Variants in CCDC91 observed in about 807,000 individuals in gnomAD.
CCDC91 encodes the protein coiled-coil domain containing 91.
A neutral mutation model predicts 63.2 loss-of-function variants in CCDC91; 48 were observed. The ratio of observed to expected loss-of-function variants is 0.76; its 90% CI spans 0.60 to 0.97. The LOEUF (loss-of-function observed/expected upper bound fraction) is 0.97, where lower values mean the gene tolerates loss of function less well. Ranked by LOEUF, CCDC91 falls within the 50% of genes least tolerant of loss-of-function variation. CCDC91 has a pLI of 0.00. For synonymous variants in CCDC91, 167 were observed against 165.8 expected, an observed-to-expected ratio of 1.01 and a Z score of -0.06; for missense variants, 500 against 494.6, an observed-to-expected ratio of 1.01 and a Z score of -0.10.
At chr12:28,339,787 A>G (rs1461467579) in intron 6 of CCDC91, among the ~76,000 whole-genome samples, 1 of 152,072 alleles carries the variant, frequency 6.6e-6, no homozygotes, top group Non-Finnish European at 1.5e-5. Flanking sequence ...GCAGTGCCCA[A>G]CCACGGACTT....
chr12:28,338,340 T>C (rs1942156843), intron 6 of CCDC91, among the ~76,000 whole-genome samples: 1 of 151,794 alleles, frequency 6.6e-6, no homozygotes, highest in African/African-American at 2.4e-5. Context: ...TTATTATACT[T>C]TAAGTTCTAG....
At chr12:28,418,750 CT>C (rs1947829850) in intron 8 of CCDC91, among the ~76,000 whole-genome samples, 3 of 152,072 alleles carry the variant, frequency 2.0e-5, no homozygotes, top group Non-Finnish European at 4.4e-5. Context: ...TTATTTTCTT[CT>C]TCCTTAAATT....
intron 12 of CCDC91, among the ~76,000 whole-genome samples, chr12:28,518,673 T>C (rs951197904): frequency 9.2e-5 from 14 of 152,016 alleles, no homozygotes; most frequent in African/African-American, 3.4e-4. Context: ...CCCAGTTATT[T>C]ATCTTTGTTT....
At chr12:28,346,571 CTTTT>C (rs1942828487) in intron 6 of CCDC91, among the ~76,000 whole-genome samples, 1 of 151,952 alleles carries the variant, frequency 6.6e-6, no homozygotes, top group African/African-American at 2.4e-5. Flanking sequence ...TCGTTTTTTG[CTTTT>C]TTATTTTTTT....
rs555306639 is a variant in CCDC91, at chr12:28,495,544, T to C, written c.1215+11379T>C. On this transcript the variant is annotated intron_variant, in intron 12 of 12. Transcript: ENST00000536442. ...TTTGCTACCTCAGCGTCCCATAACA[T>C]TGGAAGCCACGTAGCCCACCAGCAT... Among the ~76,000 whole-genome samples, 31 of 151,656 alleles carry C rather than the reference T, an allele frequency of 2.0e-4. 1 individual carries two copies. The highest frequency in any genetic ancestry group is 5.8e-4 in the African/African-American group (24 of 41,444).
At chr12:28,335,241 TATATA>T (rs1384534004) in intron 6 of CCDC91, among the ~76,000 whole-genome samples, 2 of 133,808 alleles carry the variant, frequency 1.5e-5, no homozygotes, top group African/African-American at 5.4e-5. Flanking sequence ...ATAGTATACT[TATATA>T]ATATATAATA....
chr12:28,377,545 C>T (rs1333480527), intron 7 of CCDC91, among the ~76,000 whole-genome samples: 1 of 151,848 alleles, frequency 6.6e-6, no homozygotes, highest in Non-Finnish European at 1.5e-5. Context: ...GGTGCCTAAA[C>T]TAAACATTCT....
intron 6 of CCDC91, among the ~76,000 whole-genome samples, chr12:28,350,943 A>C (rs1943143153): frequency 6.6e-6 from 1 of 152,154 alleles, no homozygotes; most frequent in Non-Finnish European, 1.5e-5. Flanking sequence ...CCCTATTTCC[A>C]AATAAGATTG....
At chr12:28,535,423 T>C (rs1356171787) in intron 12 of CCDC91, among the ~76,000 whole-genome samples, 1 of 152,196 alleles carries the variant, frequency 6.6e-6, no homozygotes, top group Non-Finnish European at 1.5e-5. Context: ...TTATTTATGT[T>C]AAAACAGAAG....
intron 7 of CCDC91, among the ~76,000 whole-genome samples, chr12:28,380,598 T>C (rs1945239501): frequency 6.6e-6 from 1 of 152,092 alleles, no homozygotes; most frequent in South Asian, 2.1e-4. Flanking sequence ...TAAGATTATT[T>C]ATTCATTTTG....
chr12:28,255,833 G>A (rs965604444), intron 1 of CCDC91: 4 of 151,906 alleles, frequency 2.6e-5, no homozygotes, highest in African/African-American at 9.7e-5. Flanking sequence ...TGTTTTTACT[G>A]TTTTTTTCTT....
At chr12:28,240,698 G>A (rs1230526293) in intron 1 of CCDC91, among the ~76,000 whole-genome samples, 1 of 151,868 alleles carries the variant, frequency 6.6e-6, no homozygotes, top group African/African-American at 2.4e-5. Flanking sequence ...TGTATCGGTA[G>A]TTCTTTCCTT....
chr12:28,503,966 C>T lies in CCDC91; in HGVS notation c.1215+19801C>T, dbSNP rs139584590. Among the ~76,000 whole-genome samples, 7 of 151,490 alleles carry T rather than the reference C, an allele frequency of 4.6e-5. No homozygotes were observed. In the East Asian group the frequency reaches 9.7e-4, roughly 21 times the overall value. On this transcript the variant is annotated intron_variant, in intron 12 of 12. Coordinates refer to ENST00000536442, the MANE Select transcript of CCDC91 (RefSeq NM_018318.5). ...GGGGGAAGGGGGGAGGGATAGCATTCGGAGATATACCTAATGCTAAATGAT... is the reference window on the plus strand; with the variant it reads ...GGGGGAAGGGGGGAGGGATAGCATTTGGAGATATACCTAATGCTAAATGAT...
chr12:28,383,706 AT>A (rs2139135004), intron 7 of CCDC91, among the ~76,000 whole-genome samples: 1 of 152,200 alleles, frequency 6.6e-6, no homozygotes, highest in East Asian at 1.9e-4. Context: ...ATTACAAAGA[AT>A]TTTACATTGA....
chr12:28,218,587 T>G (rs1943719767), intron 1 of CCDC91, among the ~76,000 whole-genome samples: 1 of 152,118 alleles, frequency 6.6e-6, no homozygotes, highest in South Asian at 2.1e-4. Context: ...TTGTGCCTCA[T>G]AAGACTAGAC....
At chr12:28,415,606 A>G (rs561166377) in intron 8 of CCDC91, among the ~76,000 whole-genome samples, 1 of 151,946 alleles carries the variant, frequency 6.6e-6, no homozygotes, top group East Asian at 1.9e-4. Context: ...AAAACATGGA[A>G]ATTTTTTTGT....
intron 1 of CCDC91, among the ~76,000 whole-genome samples, chr12:28,207,467 A>G (rs190343114): frequency 2.0e-5 from 3 of 152,328 alleles, no homozygotes; most frequent in Admixed American, 2.0e-4. Context: ...TCAAAACCAT[A>G]AAAAGCTTTA....
intron 7 of CCDC91, among the ~76,000 whole-genome samples, chr12:28,368,230 A>T (rs1477402679): frequency 6.6e-6 from 1 of 152,246 alleles, no homozygotes; most frequent in Non-Finnish European, 1.5e-5. Flanking sequence ...GAAACTATGG[A>T]GGTCAGAGGA....
At chr12:28,279,342 C>A (rs1242688745) in intron 3 of CCDC91, among the ~76,000 whole-genome samples, 1 of 151,774 alleles carries the variant, frequency 6.6e-6, no homozygotes, top group Non-Finnish European at 1.5e-5. Context: ...CTTATGAGAC[C>A]CCTCAAGTTA....
Sources: gnomAD v4.1 joint callset for allele counts (sites outside exome capture counted in the v4.1 genomes callset) on GRCh38, gnomAD v4.1.1 for gene constraint, MANE v1.5 for transcripts, NCBI Gene and HGNC (gene_info 2026-07-23, HGNC 2026-07-21) for gene names.